CDH13: variants seen among roughly 807,000 people sequenced by gnomAD.
CDH13 encodes cadherin 13, also known as cadherin-13.
A neutral mutation model predicts 63.8 loss-of-function variants in CDH13; 24 were observed. The ratio of observed to expected loss-of-function variants is 0.38; its 90% CI spans 0.27 to 0.53. The LOEUF is 0.53. Ranked by LOEUF, CDH13 falls within the 20% of genes least tolerant of loss-of-function variation. CDH13 has a pLI of 0.85. For synonymous variants in CDH13, 503 were observed against 355.3 expected (o/e 1.42, Z -4.67); for missense variants, 1,049 against 903.1 (o/e 1.16, Z -2.07).
intron 7 of CDH13, among the ~76,000 whole-genome samples, chr16:83,546,746 C>T (rs937466427): frequency 6.6e-6 from 1 of 152,174 alleles, no homozygotes; most frequent in African/African-American, 2.4e-5. Context: ...ATCTGCATAA[C>T]AGCAGTGCCC....
At chr16:82,733,800 CA>C (rs2033526874) in intron 1 of CDH13, among the ~76,000 whole-genome samples, 1 of 152,106 alleles carries the variant, frequency 6.6e-6, no homozygotes, top group African/African-American at 2.4e-5. Flanking sequence ...CTACTTAACA[CA>C]AAACAAAAAC....
chr16:82,764,394 G>A (rs1567510786), intron 1 of CDH13, among the ~76,000 whole-genome samples: 1 of 152,120 alleles, frequency 6.6e-6, no homozygotes, highest in African/African-American at 2.4e-5. Flanking sequence ...GATTCTTTCA[G>A]CTCTTAGTGA....
intron 4 of CDH13, among the ~76,000 whole-genome samples, chr16:83,214,123 T>G (rs2039423190): frequency 6.6e-6 from 1 of 152,058 alleles, no homozygotes; most frequent in Non-Finnish European, 1.5e-5. Context: ...GGAAGCTTTG[T>G]TCTTTCGCTC....
intron 10 of CDH13, among the ~76,000 whole-genome samples, chr16:83,692,103 C>G (rs984023116): frequency 2.6e-5 from 4 of 152,224 alleles, no homozygotes; most frequent in Admixed American, 6.5e-5. Flanking sequence ...CCAAACCAAA[C>G]TGAAGCCAGA....
intron 1 of CDH13, among the ~76,000 whole-genome samples, chr16:82,832,245 T>TTA (rs200041874): frequency 7.2e-4 from 110 of 152,028 alleles, no homozygotes; most frequent in Non-Finnish European, 1.4e-3. Flanking sequence ...AAACCACTGT[T>TTA]TAATACTTTA....
chr16:83,368,541 G>T (rs1257568086), intron 6 of CDH13, among the ~76,000 whole-genome samples: 2 of 151,382 alleles, frequency 1.3e-5, no homozygotes, highest in African/African-American at 2.4e-5. Flanking sequence ...ATTTCAATAG[G>T]TTTTTTGGGA....
At chr16:82,838,163 C>A (rs2038850612) in intron 1 of CDH13, among the ~76,000 whole-genome samples, 1 of 152,210 alleles carries the variant, frequency 6.6e-6, no homozygotes, top group South Asian at 2.1e-4. Flanking sequence ...AGTCCTCACC[C>A]TTTTCATTGC....
chr16:82,943,849 A>G (rs1567681851), intron 2 of CDH13, among the ~76,000 whole-genome samples: 1 of 152,214 alleles, frequency 6.6e-6, no homozygotes, highest in Non-Finnish European at 1.5e-5. Flanking sequence ...TTGTCAAGCA[A>G]TCGGCTTGCC....
chr16:83,038,630 A>G (rs1917072159), intron 3 of CDH13, among the ~76,000 whole-genome samples: 1 of 152,176 alleles, frequency 6.6e-6, no homozygotes, highest in Non-Finnish European at 1.5e-5. Context: ...GAAACGAAAA[A>G]CAGTGGATGA....
intron 7 of CDH13, among the ~76,000 whole-genome samples, chr16:83,521,729 A>T (rs193066647): frequency 6.6e-6 from 1 of 152,314 alleles, no homozygotes; most frequent in Admixed American, 6.5e-5. Flanking sequence ...GGGTTTTCCC[A>T]TGGGATGCAA....
chr16:83,747,453 T>TA (rs1261364822), intron 10 of CDH13, among the ~76,000 whole-genome samples: 2 of 152,208 alleles, frequency 1.3e-5, no homozygotes, highest in Non-Finnish European at 2.9e-5. Flanking sequence ...GAGGCCTCCT[T>TA]AGCCACATGG....
At position 83,470,798 on chromosome 16, in the gene CDH13, G is replaced by T. The variant is rs552334267; in HGVS notation, c.782-15679G>T. Among the ~76,000 whole-genome samples, 203 of 152,282 alleles carry T rather than the reference G, an allele frequency of 1.3e-3. 4 individuals are homozygous for T. The South Asian group carries it at 0.039, about 29-fold the overall frequency. ...CCGCTAGTATGAGCTTCCTTTTGTGGCTGTGATGAATTGCTACATATTTAT... is the reference window on the plus strand; with the variant it reads ...CCGCTAGTATGAGCTTCCTTTTGTGTCTGTGATGAATTGCTACATATTTAT... On this transcript the variant is annotated intron_variant, in intron 6 of 13. Coordinates refer to ENST00000567109, the MANE Select transcript of CDH13 (RefSeq NM_001257.5).
chr16:83,164,846 C>T (rs1472432512), intron 4 of CDH13, among the ~76,000 whole-genome samples: 1 of 150,632 alleles, frequency 6.6e-6, no homozygotes, highest in Non-Finnish European at 1.5e-5. Context: ...TATATATATG[C>T]ATGCTGGCTA....
intron 7 of CDH13, among the ~76,000 whole-genome samples, chr16:83,492,888 T>C (rs6563916): frequency 6.6e-6 from 1 of 152,224 alleles, no homozygotes; most frequent in East Asian, 1.9e-4. Flanking sequence ...CCATCCCTCT[T>C]AGTGTGACCT....
intron 7 of CDH13, among the ~76,000 whole-genome samples, chr16:83,487,634 C>G (rs2073920030): frequency 6.6e-6 from 1 of 152,198 alleles, no homozygotes; most frequent in Non-Finnish European, 1.5e-5. Flanking sequence ...CCTTCACTCT[C>G]CATCCACCCT....
intron 7 of CDH13, among the ~76,000 whole-genome samples, chr16:83,572,066 AACTC>A (rs748326399): frequency 2.6e-5 from 4 of 152,176 alleles, no homozygotes; most frequent in African/African-American, 4.8e-5. Flanking sequence ...ACTTCCAGAA[AACTC>A]ACAAAGGCTG....
intron 6 of CDH13, among the ~76,000 whole-genome samples, chr16:83,442,051 CAA>C (rs2072494598): frequency 6.6e-6 from 1 of 152,044 alleles, no homozygotes; most frequent in Non-Finnish European, 1.5e-5. Flanking sequence ...TGTCCACAAG[CAA>C]AATAGCCATG....
chr16:83,035,464 G>A (rs939659553), intron 3 of CDH13, among the ~76,000 whole-genome samples: 54 of 152,196 alleles, frequency 3.5e-4, no homozygotes, highest in Non-Finnish European at 8.8e-5. Flanking sequence ...TTAGCAACTG[G>A]AGGCAGATGC....
intron 11 of CDH13, among the ~76,000 whole-genome samples, chr16:83,763,086 A>G (rs1251801981): frequency 3.3e-5 from 5 of 152,208 alleles, no homozygotes; most frequent in African/African-American, 1.2e-4. Flanking sequence ...TCCATTTAAA[A>G]GAACGGGGGA....
Sources: allele counts gnomAD v4.1 joint callset (sites outside exome capture counted in the v4.1 genomes callset), GRCh38; gene constraint gnomAD v4.1.1; transcripts MANE v1.5; gene names NCBI Gene and HGNC (gene_info 2026-07-23, HGNC 2026-07-21).